Variants in ACAN observed in about 807,000 individuals in gnomAD.
ACAN encodes the protein aggrecan, also known as aggrecan core protein.
In ACAN, 47 loss-of-function variants were observed where a neutral mutation model predicts 169.1. That is an observed-to-expected ratio of 0.28 (90% CI 0.22 to 0.35). The LOEUF (loss-of-function observed/expected upper bound fraction) is 0.35. ACAN is among the 10% of genes least tolerant of loss of function. The pLI is 1.00. For missense variants in ACAN, 2,716 were observed against 2,759.9 expected, an observed-to-expected ratio of 0.98 and a Z score of 0.36; for synonymous variants, 1,115 against 1,112.2, an observed-to-expected ratio of 1.00 and a Z score of -0.05.
intron 1 of ACAN, among the ~76,000 whole-genome samples, chr15:88,833,238 G>C (rs1896410188): frequency 1.3e-5 from 2 of 152,176 alleles, no homozygotes; most frequent in South Asian, 4.1e-4. Flanking sequence ...CATAGCCTCA[G>C]CTCAAGCTAA....
At position 88,851,257 on chromosome 15, in the gene ACAN, C is replaced by G. The variant is rs1896923641; in HGVS notation, c.2027-537C>G. On this transcript the variant is annotated intron_variant, in intron 10 of 18. Transcript: ENST00000560601. This position sits in a 1 kb window ranked among gnomAD's most constrained non-coding sequence, Gnocchi z 4.3. ...AATCCTGCCTTCACGCTTTCAAATGCCGAGATGGTTTCATGGAATTGAGTA... is the reference window on the plus strand; with the variant it reads ...AATCCTGCCTTCACGCTTTCAAATGGCGAGATGGTTTCATGGAATTGAGTA... 2 of 156,318 alleles carry G rather than the reference C, an allele frequency of 1.3e-5. No individual in the cohort carries two copies. 9.7% of individuals were successfully genotyped at this position (156,318 alleles called of 1,614,324 possible).
At chr15:88,815,843 C>T (rs563272026) in intron 1 of ACAN, among the ~76,000 whole-genome samples, 1 of 152,236 alleles carries the variant, frequency 6.6e-6, no homozygotes, top group East Asian at 1.9e-4. Flanking sequence ...TTTCCTAGGC[C>T]TGCCATAACA....
At chr15:88,836,075 T>C in intron 1 of ACAN, 125 bp from the exon 2 acceptor site, 1 of 663,708 alleles carries the variant, frequency 1.5e-6, no homozygotes, top group East Asian at 2.7e-5. Context: ...TGCAGCCTCC[T>C]TCTCTGGAGA....
chr15:88,825,604 C>A (rs1896194767), intron 1 of ACAN, among the ~76,000 whole-genome samples: 1 of 152,120 alleles, frequency 6.6e-6, no homozygotes, highest in Non-Finnish European at 1.5e-5. Flanking sequence ...CAAAGTGGAC[C>A]TCAGAGAGAG....
rs1897410480 is a variant in ACAN at position 88,872,705 on chromosome 15, C to G, written c.7303-176C>G. On this transcript the variant is annotated intron_variant, in intron 16 of 18. Coordinates refer to ENST00000560601, the MANE Select transcript of ACAN (RefSeq NM_001369268.1). This position sits in a 1 kb window ranked among gnomAD's most constrained non-coding sequence, Gnocchi z 5.4. ...CTAGAGGGCCACCGGGTTCCATGGC[C>G]CCTAGAACAGCCCTGATCAGATTCC... is the stretch of plus-strand genomic sequence containing the variant. Among the ~76,000 whole-genome samples, 1 of 152,090 alleles carries G rather than the reference C, an allele frequency of 6.6e-6. No homozygotes were observed. Among genetic ancestry groups the G allele is most frequent in the African/African-American group, 2.4e-5 (1 of 41,400 alleles).
intron 1 of ACAN, among the ~76,000 whole-genome samples, chr15:88,819,601 A>C (rs985095534): frequency 7.0e-5 from 2 of 28,658 alleles, no homozygotes; most frequent in African/African-American, 1.8e-4. Context: ...TCGTCTCTAC[A>C]AAAAAAAAAA....
At chr15:88,830,986 C>T (rs1461481373) in intron 1 of ACAN, among the ~76,000 whole-genome samples, 2 of 152,116 alleles carry the variant, frequency 1.3e-5, no homozygotes, top group African/African-American at 4.8e-5. Flanking sequence ...TGTTATGTGG[C>T]CCATGGCTGT....
chr15:88,857,128 C>T lies in ACAN; in HGVS notation c.4543C>T (p.Leu1515=). The T allele has an allele frequency of 6.2e-7, 1 of 1,607,406 alleles. No homozygotes were observed. Among genetic ancestry groups the T allele is most frequent in the South Asian group, 1.1e-5 (1 of 90,340 alleles). ...DVSELPSGEG[L]ETSASGVEDL... Reference sequence around the variant, plus strand: ...CAGTGAACTTCCTTCAGGAGAAGGTCTAGAGACCTCTGCTTCTGGAGTAGA... The same window carrying T: ...CAGTGAACTTCCTTCAGGAGAAGGTTTAGAGACCTCTGCTTCTGGAGTAGA... The change falls in exon 12 of 19, where the codon CTA becomes TTA. Residue 1515 remains leucine (L), a synonymous_variant. Coordinates refer to ENST00000560601, the MANE Select transcript of ACAN (RefSeq NM_001369268.1).
intron 9 of ACAN, 150 bp downstream of exon 9, chr15:88,848,188 G>A: frequency 3.4e-6 from 4 of 1,185,744 alleles, no homozygotes; most frequent in Non-Finnish European, 4.7e-6. Context: ...TGCTGAAAAA[G>A]GAAGGCCCCC....
Position 88,861,310 on chromosome 15 carries a change from AG to A in ACAN, c.6946+875del, listed in dbSNP as rs1260051325. Among the ~76,000 whole-genome samples, 1 of 152,122 alleles carries A rather than the reference AG, an allele frequency of 6.6e-6. No homozygotes were observed. The highest frequency in any genetic ancestry group is 1.5e-5 in the Non-Finnish European group (1 of 68,022). On this transcript the variant is annotated intron_variant, in intron 13 of 18. Transcript: ENST00000560601. This position sits in a 1 kb window ranked among gnomAD's most constrained non-coding sequence, Gnocchi z 6.3. Reference sequence around the variant, plus strand: ...TCAGAGACCTAGGGTCTTTCATAAAAGGGGTCACTCCTAGGACATGTGCAAA... The same window carrying A: ...TCAGAGACCTAGGGTCTTTCATAAAAGGGTCACTCCTAGGACATGTGCAAA...
chr15:88,838,825 T>C lies in ACAN; in HGVS notation c.233T>C (p.Val78Ala), dbSNP rs1403917136. 1.2e-6 allele frequency: 2 copies of C among 1,613,986 alleles called. No individual in the cohort carries two copies. The highest frequency in any genetic ancestry group is 4.5e-5 in the East Asian group (2 of 44,868). ...GCCCCAAGAATCAAGTGGAGCCGTG[T>C]GTCCAAGGAGAAGGAGGTAGTGCTG... The part of the protein sequence containing the change: ...PLAPRIKWSR[V>A]SKEKEVVLLV... The change falls in exon 3 of 19, where the codon GTG becomes GCG. Residue 78 changes from valine (V) to alanine (A), a missense_variant. By Grantham distance (64) the Val-to-Ala change is moderately conservative. Around this residue, in one of 3 missense-constraint regions of ACAN, gnomAD observed 1,283 missense variants for 1,281.5 expected, o/e 1.00. Transcript: ENST00000560601. The surrounding 1 kb of genome is among the most constrained non-coding windows in gnomAD (Gnocchi z 5.1).
intron 1 of ACAN, among the ~76,000 whole-genome samples, chr15:88,816,577 CATAG>C (rs1895947262): frequency 6.6e-6 from 1 of 152,198 alleles, no homozygotes; most frequent in Non-Finnish European, 1.5e-5. Context: ...AACACTGAGA[CATAG>C]CTGGTAAGTG....
chr15:88,871,144 G>A lies in ACAN; in HGVS notation c.7061-238G>A, dbSNP rs934906930. Among the ~76,000 whole-genome samples the A allele has an allele frequency of 2.0e-5, 3 of 152,188 alleles. No individual in the cohort carries two copies. The highest frequency in any genetic ancestry group is 2.9e-5 in the Non-Finnish European group (2 of 68,038). ...GCTTGGGAGAGGGTGAGGGGGGAGG[G>A]CGTGGCATCAGGGAAGGAAAGGGCC... On this transcript the variant is annotated intron_variant, in intron 14 of 18. Coordinates refer to ENST00000560601, the MANE Select transcript of ACAN (RefSeq NM_001369268.1). This position sits in a 1 kb window ranked among gnomAD's most constrained non-coding sequence, Gnocchi z 7.8.
At position 88,874,287 on chromosome 15, in the gene ACAN, C is replaced by A; in HGVS notation, c.7631-118C>A. ...ATCCAAATCAGGAAAGCCGATAAAGCCTCAGGCGCCTGAGTCCTGGTTTCC... is the reference window on the plus strand; with the variant it reads ...ATCCAAATCAGGAAAGCCGATAAAGACTCAGGCGCCTGAGTCCTGGTTTCC... On this transcript the variant is annotated intron_variant, in intron 18 of 18. Transcript: ENST00000560601. The surrounding 1 kb of genome is among the most constrained non-coding windows in gnomAD (Gnocchi z 7.3). The A allele has an allele frequency of 8.9e-7, 1 of 1,126,926 alleles. No individual in the cohort carries two copies. Among genetic ancestry groups the A allele is most frequent in the Non-Finnish European group, 1.3e-6 (1 of 764,852 alleles). 69.8% of individuals were successfully genotyped at this position (1,126,926 alleles called of 1,614,324 possible).
chr15:88,854,923 G>A lies in ACAN; in HGVS notation c.2338G>A (p.Val780Met), dbSNP rs775312655. The change falls in exon 12 of 19, where the codon GTG becomes ATG. Residue 780 changes from valine (V) to methionine (M), a missense_variant. By Grantham distance (21) the Val-to-Met change is conservative (BLOSUM62 1). Around this residue, in one of 3 missense-constraint regions of ACAN, gnomAD observed 1,283 missense variants for 1,281.5 expected, o/e 1.00. Transcript: ENST00000560601. Reference protein sequence around the residue: ...ESTEGPSATEVPSASEEPSPS... With the variant: ...ESTEGPSATEMPSASEEPSPS... ...TACAGAAGGCCCTTCTGCAACTGAA[G>A]TGCCCTCTGCCTCAGAGGAACCATC... The A allele has an allele frequency of 1.3e-6, 2 of 1,588,434 alleles. No homozygotes were observed. Among genetic ancestry groups the A allele is most frequent in the South Asian group, 2.3e-5 (2 of 85,750 alleles).
Position 88,858,412 on chromosome 15 carries a change from G to A in ACAN, c.5827G>A (p.Glu1943Lys). The A allele has an allele frequency of 1.2e-6, 2 of 1,613,710 alleles. No homozygotes were observed. Among genetic ancestry groups the A allele is most frequent in the Non-Finnish European group, 1.7e-6 (2 of 1,179,884 alleles). Residue 1943 changes from glutamate (E) to lysine (K), a missense_variant, in exon 12 of 19, where the codon GAA becomes AAA. Glu to Lys is a moderately conservative substitution (Grantham distance 56, BLOSUM62 1). Transcript: ENST00000560601. The surrounding 1 kb of genome is among the most constrained non-coding windows in gnomAD (Gnocchi z 4.0). ...CTCTCTTGTAGACAGAACTTTGGTG[G>A]AATCTGTAACCCAGGCTCCAACAGC... ...TVSLVDRTLV[E>K]SVTQAPTAQE...
Position 88,845,848 on chromosome 15 carries a change from G to A in ACAN, c.1395G>A (p.Val465=). 1 of 1,479,190 alleles carries A rather than the reference G, an allele frequency of 6.8e-7. No individual in the cohort carries two copies. Among genetic ancestry groups the A allele is most frequent in the Non-Finnish European group, 9.0e-7 (1 of 1,111,218 alleles). The allele number at this position is 1,479,190 out of a possible 1,614,324, so 91.6% of individuals were successfully genotyped here. A position where few individuals can be genotyped will look rare whatever the true frequency, so the allele number is the denominator to read the frequency against. ...CCAGTGAGGACCTCGTCGTGCAGGT[G>A]ACCGCTGTCCCTGGGCAGCCGCATT... is the stretch of plus-strand genomic sequence containing the variant. ...AFTSEDLVVQ[V]TAVPGQPHLP... is the part of the protein sequence containing the mutation. Residue 465 remains valine, a synonymous_variant, in exon 7 of 19, where the codon GTG becomes GTA. Coordinates refer to ENST00000560601, the MANE Select transcript of ACAN (RefSeq NM_001369268.1).
At chr15:88,816,993 G>A (rs903672526) in intron 1 of ACAN, among the ~76,000 whole-genome samples, 2 of 152,158 alleles carry the variant, frequency 1.3e-5, no homozygotes, top group African/African-American at 4.8e-5. Context: ...TCCCCACTGA[G>A]ACTTTCCTTC....
At chr15:88,835,843 T>G (rs1466664084) in intron 1 of ACAN, among the ~76,000 whole-genome samples, 2 of 152,064 alleles carry the variant, frequency 1.3e-5, no homozygotes, top group Non-Finnish European at 1.5e-5. Flanking sequence ...AGAAACACCC[T>G]CACAGACACA....
Sources: gnomAD v4.1 joint callset for allele counts (sites outside exome capture counted in the v4.1 genomes callset) on GRCh38, gnomAD v4.1.1 for gene constraint, gnomAD v4.1.1 regional missense constraint, Gnocchi (gnomAD v3.1) non-coding constraint, MANE v1.5 for transcripts, NCBI Gene and HGNC (gene_info 2026-07-23, HGNC 2026-07-21) for gene names.